The following ARHGEF1 variants were observed in gnomAD, a reference collection of about 807,000 sequenced individuals.
ARHGEF1 encodes the protein 115 kDa guanine nucleotide exchange factor.
In ARHGEF1, 40 loss-of-function variants were observed where a neutral mutation model predicts 119.7. The ratio of observed to expected loss-of-function variants is 0.33; its 90% CI spans 0.26 to 0.44. ARHGEF1 has a LOEUF of 0.44. Among genes scored for constraint, ARHGEF1 ranks in the 20% least tolerant of loss-of-function variants. ARHGEF1 has a pLI of 1.00. For synonymous variants in ARHGEF1, 494 were observed against 521.0 expected (o/e 0.95, Z 0.71); for missense variants, 976 against 1,268.3 (o/e 0.77, Z 3.50).
In ARHGEF1 at chr19:41,897,464, A is replaced by G. The variant is rs1410091266; in HGVS notation, c.1122-978A>G. ...GGGGACATCACCCTCCCAGTTGAAG[A>G]GCTAAGTATGGAAATCCTCCCCACC... On this transcript the variant is annotated intron_variant, in intron 13 of 28. Transcript: ENST00000354532. 3 of 493,170 alleles carry G rather than the reference A, an allele frequency of 6.1e-6. No homozygotes were observed. The South Asian group carries it at 6.9e-5, about 11-fold the overall frequency. The allele number at this position is 493,170 out of a possible 1,614,324, so 30.5% of individuals were successfully genotyped here.
chr19:41,891,001 C>G (rs1555846110), intron 4 of ARHGEF1, among the ~76,000 whole-genome samples: 1 of 152,130 alleles, frequency 6.6e-6, no homozygotes, highest in African/African-American at 2.4e-5. Flanking sequence ...GGAGCCAGGA[C>G]AGGTTGGAGT....
Position 41,902,894 on chromosome 19 carries a change from C to T in ARHGEF1, c.1734C>T (p.Asn578=). The T allele has an allele frequency of 5.6e-6, 9 of 1,595,796 alleles. No homozygotes were observed. The highest frequency in any genetic ancestry group is 7.7e-6 in the Non-Finnish European group (9 of 1,170,956). ...YPLLLQSIGQ[N]TEEPTEREKV... is the part of the protein sequence containing the mutation. ...TGCTCCTGCAGAGCATCGGGCAGAA[C>T]ACAGGTACCGCGGGCCTGGATCTCT... The change falls in exon 18 of 29, where the codon AAC becomes AAT. Residue 578 remains asparagine, a synonymous_variant. Transcript: ENST00000354532. The surrounding 1 kb of genome is among the most constrained non-coding windows in gnomAD (Gnocchi z 6.5).
intron 28 of ARHGEF1, 81 bp from the exon 29 acceptor site, chr19:41,907,024 C>G (rs2074711802): frequency 2.0e-5 from 26 of 1,321,862 alleles, no homozygotes; most frequent in Non-Finnish European, 2.6e-5. Context: ...TCTCTGCTCT[C>G]CCTGTCTTGT....
chr19:41,889,043 C>A lies in ARHGEF1; in HGVS notation c.225+178C>A, dbSNP rs118031856. On this transcript the variant is annotated intron_variant, in intron 4 of 28. Transcript: ENST00000354532. The surrounding 1 kb of genome is among the most constrained non-coding windows in gnomAD (Gnocchi z 4.0). ...AAGAGCCAGAAAGCATGCCACGTGA[C>A]CTCAACAGGCTTACAAGTGCCCAGG... 10,776 of 599,874 alleles carry A rather than the reference C, an allele frequency of 0.018. 171 individuals are homozygous for A. Among genetic ancestry groups the A allele is most frequent in the Non-Finnish European group, 0.025 (8,594 of 342,358 alleles). 37.2% of individuals were successfully genotyped at this position (599,874 alleles called of 1,614,324 possible).
intron 13 of ARHGEF1, 156 bp downstream of exon 13, chr19:41,896,638 T>C (rs1287695411): frequency 1.3e-5 from 9 of 715,168 alleles, no homozygotes; most frequent in Non-Finnish European, 2.3e-5. Context: ...TCTCCCTTCT[T>C]CTTTCCTTTT....
upstream of ARHGEF1, among the ~76,000 whole-genome samples, chr19:41,918,227 A>T (rs1302301942): frequency 6.6e-6 from 1 of 151,604 alleles, no homozygotes; most frequent in Non-Finnish European, 1.5e-5. Flanking sequence ...CACACATACC[A>T]CATATACACA....
At position 41,905,712 on chromosome 19, in the gene ARHGEF1, C is replaced by T. The variant is rs1555849995; in HGVS notation, c.2337-48C>T. On this transcript the variant is annotated intron_variant, in intron 24 of 28. Coordinates refer to ENST00000354532, the MANE Select transcript of ARHGEF1 (RefSeq NM_004706.4). This position sits in a 1 kb window ranked among gnomAD's most constrained non-coding sequence, Gnocchi z 6.4. ...GCTCTCTGTCTCCCTGCCCCTGCGG[C>T]CCCCCAGGGCCAGGGGTGTGGGGTC... 6 of 1,595,354 alleles carry T rather than the reference C, an allele frequency of 3.8e-6. No individual in the cohort carries two copies. Among genetic ancestry groups the T allele is most frequent in the East Asian group, 4.5e-5 (2 of 44,740 alleles).
At position 41,903,282 on chromosome 19, in the gene ARHGEF1, G is replaced by C. The variant is rs2074634950; in HGVS notation, c.1739-25G>C. ...GAGCCTCCAGGGCAGGGGTTCACCA[G>C]AGCTGCTCTCTCCCTTGCCTGCAGA... is the stretch of plus-strand genomic sequence containing the variant. On this transcript the variant is annotated intron_variant, in intron 18 of 28. Coordinates refer to ENST00000354532, the MANE Select transcript of ARHGEF1 (RefSeq NM_004706.4). This position sits in a 1 kb window ranked among gnomAD's most constrained non-coding sequence, Gnocchi z 4.2. 6.2e-7 allele frequency: 1 copy of C among 1,609,532 alleles called. No homozygotes were observed. The highest frequency in any genetic ancestry group is 2.2e-5 in the East Asian group (1 of 44,844).
At chr19:41,921,065 G>A (rs1350132484), upstream of ARHGEF1, among the ~76,000 whole-genome samples, 2 of 152,186 alleles carry the variant, frequency 1.3e-5, no homozygotes, top group Admixed American at 6.5e-5. The surrounding 1 kb of genome is among the most constrained non-coding windows in gnomAD (Gnocchi z 4.4). Context: ...GCGAGGGAGC[G>A]TCCCCGGGGA....
At chr19:41,898,054 C>T (rs1013460846) in intron 13 of ARHGEF1, 7 of 1,340,610 alleles carry the variant, frequency 5.2e-6, no homozygotes, top group African/African-American at 1.5e-5. Flanking sequence ...GCTCCCGGAG[C>T]GACGTGGACA....
chr19:41,921,152 C>T (rs986997493), upstream of ARHGEF1, among the ~76,000 whole-genome samples: 20 of 152,226 alleles, frequency 1.3e-4, no homozygotes, highest in South Asian at 6.2e-4. The surrounding 1 kb of genome is among the most constrained non-coding windows in gnomAD (Gnocchi z 4.4). Context: ...GAGGCGCCAC[C>T]GTGAGGCGAG....
intron 18 of ARHGEF1, among the ~76,000 whole-genome samples, chr19:41,913,285 C>G (rs2074765325): frequency 6.9e-6 from 1 of 144,822 alleles, no homozygotes; most frequent in African/African-American, 2.5e-5. Context: ...GCCCGCCGCT[C>G]GCGCCCCGCA....
chr19:41,893,130 T>C (rs1385973685), intron 7 of ARHGEF1, 144 bp from the exon 8 acceptor site: 1 of 1,180,808 alleles, frequency 8.5e-7, no homozygotes, highest in Non-Finnish European at 1.2e-6. Flanking sequence ...CTTATGACAG[T>C]CCTTCCCAAT....
upstream of ARHGEF1, among the ~76,000 whole-genome samples, chr19:41,918,670 AC>A: frequency 6.9e-6 from 1 of 144,272 alleles, no homozygotes; most frequent in East Asian, 2.1e-4. Context: ...ACTACCCATC[AC>A]AGACACACCA....
intron 18 of ARHGEF1, chr19:41,912,766 C>T (rs923687111): frequency 2.7e-5 from 10 of 365,820 alleles, no homozygotes; most frequent in Middle Eastern, 7.9e-4. Context: ...GAGTGAGACA[C>T]GTGGAGACAC....
At position 41,892,833 on chromosome 19, in the gene ARHGEF1, C is replaced by A; in HGVS notation, c.598C>A (p.His200Asn). Reference sequence around the variant, plus strand: ...GCACGTGGCGGAGCGGCTGCTCATGCACCTGGAGGAGATGCAGTGAGTAGG... The same window carrying A: ...GCACGTGGCGGAGCGGCTGCTCATGAACCTGGAGGAGATGCAGTGAGTAGG... The part of the protein sequence containing the change: ...ERHVAERLLM[H>N]LEEMQHTIST... The change falls in exon 7 of 29, where the codon CAC (histidine) becomes AAC (asparagine). Residue 200 changes from histidine (H) to asparagine (N), a missense_variant. This residue lies in a region of ARHGEF1 where 519 missense variants were observed against 580.9 expected (regional missense o/e 0.89). Coordinates refer to ENST00000354532, the MANE Select transcript of ARHGEF1 (RefSeq NM_004706.4). This position sits in a 1 kb window ranked among gnomAD's most constrained non-coding sequence, Gnocchi z 6.3. The A allele has an allele frequency of 6.4e-7, 1 of 1,558,946 alleles. No homozygotes were observed. Among genetic ancestry groups the A allele is most frequent in the Non-Finnish European group, 8.6e-7 (1 of 1,156,170 alleles).
Position 41,893,318 on chromosome 19 carries a change from G to T in ARHGEF1, c.644+15G>T. ...GAAGAAAAGAGGTGAGGGGGGCAGG[G>T]GAGGCGTGCGGCCTCCTGGGTTTGA... On this transcript the variant is annotated intron_variant, in intron 8 of 28. Transcript: ENST00000354532. 1 of 1,600,628 alleles carries T rather than the reference G, an allele frequency of 6.2e-7. No homozygotes were observed. The highest frequency in any genetic ancestry group is 8.5e-7 in the Non-Finnish European group (1 of 1,173,678).
At chr19:41,910,347 C>T (rs1393651930), downstream of ARHGEF1, among the ~76,000 whole-genome samples, 3 of 152,106 alleles carry the variant, frequency 2.0e-5, no homozygotes, top group African/African-American at 7.2e-5. This position sits in a 1 kb window ranked among gnomAD's most constrained non-coding sequence, Gnocchi z 4.4. Context: ...TGGCATAGCT[C>T]CCCCAGGCTC....
downstream of ARHGEF1, chr19:41,908,145 C>G: frequency 9.0e-7 from 1 of 1,115,808 alleles, no homozygotes; most frequent in Non-Finnish European, 1.1e-6. This position sits in a 1 kb window ranked among gnomAD's most constrained non-coding sequence, Gnocchi z 6.7. Flanking sequence ...GAGGGCTGGT[C>G]CTGGGCCTTG....
Sources: allele counts gnomAD v4.1 joint callset (sites outside exome capture counted in the v4.1 genomes callset), GRCh38; gene constraint gnomAD v4.1.1; regional missense constraint gnomAD v4.1.1; non-coding constraint Gnocchi (gnomAD v3.1); transcripts MANE v1.5; gene names NCBI Gene and HGNC (gene_info 2026-07-23, HGNC 2026-07-21).